The following CCDC138 variants were observed in gnomAD, a reference collection of about 807,000 sequenced individuals.
The protein encoded by CCDC138 is coiled-coil domain-containing protein 138.
CCDC138 carries 66 observed loss-of-function variants against 82.3 expected under a neutral mutation model. The ratio of observed to expected loss-of-function variants is 0.80; its 90% CI spans 0.66 to 0.98. The LOEUF (loss-of-function observed/expected upper bound fraction) is 0.98. CCDC138 is among the 50% of genes least tolerant of loss of function. The pLI is 0.00. For synonymous variants in CCDC138, 297 were observed against 265.4 expected (o/e 1.12, Z -1.16); for missense variants, 816 against 758.9 (o/e 1.08, Z -0.88).
intron 13 of CCDC138, among the ~76,000 whole-genome samples, chr2:108,872,938 A>T (rs1695505083): frequency 1.3e-5 from 2 of 152,152 alleles, no homozygotes; most frequent in Non-Finnish European, 2.9e-5. Flanking sequence ...TCTAAATTAA[A>T]TGTGAGAGTA....
intron 13 of CCDC138, among the ~76,000 whole-genome samples, chr2:108,865,078 C>G (rs1282258802): frequency 1.3e-5 from 2 of 152,074 alleles, no homozygotes; most frequent in East Asian, 3.8e-4. Flanking sequence ...GACACACACA[C>G]AAATACATAC....
intron 9 of CCDC138, among the ~76,000 whole-genome samples, chr2:108,815,006 T>TA (rs893883478): frequency 8.5e-5 from 13 of 152,156 alleles, no homozygotes; most frequent in Non-Finnish European, 1.2e-4. Context: ...GGTATCTTAT[T>TA]AAAAAAAATT....
At chr2:108,866,751 C>T (rs937800359) in intron 13 of CCDC138, among the ~76,000 whole-genome samples, 5 of 151,934 alleles carry the variant, frequency 3.3e-5, no homozygotes, top group African/African-American at 7.3e-5. Flanking sequence ...GACGCGGTGA[C>T]GGGTGCCTAT....
At chr2:108,878,324 CT>C (rs2105339729), downstream of CCDC138, 1 of 190,370 alleles carries the variant, frequency 5.3e-6, no homozygotes, top group East Asian at 1.3e-4. Context: ...TCTCACAAGT[CT>C]TTCAGGGTCA....
intron 10 of CCDC138, among the ~76,000 whole-genome samples, chr2:108,828,169 T>C (rs996015255): frequency 1.3e-5 from 2 of 152,102 alleles, no homozygotes; most frequent in Non-Finnish European, 2.9e-5. Context: ...CAAAATATAT[T>C]GTAGATAAAT....
rs147076589 is a variant in CCDC138, at chr2:108,798,480, G to C, written c.629G>C (p.Arg210Pro). 1.2e-5 allele frequency: 19 copies of C among 1,613,704 alleles called. No homozygotes were observed. The East Asian group carries it at 4.2e-4, about 36-fold the overall frequency. Reference protein sequence around the residue: ...KFAEELQKRERFLLEREQLLF... With the variant: ...KFAEELQKREPFLLEREQLLF... ...GCTGAAGAACTTCAAAAGCGAGAAC[G>C]TTTTTTACTTGAAAGAGAACAACTG... Residue 210 changes from arginine to proline, a missense_variant, in exon 6 of 15, where the codon CGT (arginine) becomes CCT (proline). By Grantham distance (103) the Arg-to-Pro change is moderately radical. Coordinates refer to ENST00000295124, the MANE Select transcript of CCDC138 (RefSeq NM_144978.3).
chr2:108,843,863 TG>T lies in CCDC138; in HGVS notation c.1324-2874del, dbSNP rs1558716873. Among the ~76,000 whole-genome samples the T allele has an allele frequency of 7.8e-5, 11 of 140,610 alleles. 1 individual carries two copies. The highest frequency in any genetic ancestry group is 1.1e-4 in the African/African-American group (4 of 36,570). The allele number at this position is 140,610 out of a possible 152,430, so 92.2% of individuals were successfully genotyped here. Reference sequence around the variant, plus strand: ...CATGTTTTGTGTGTGTGTGTGTGTGTGTGTGTGTGTGTGTGTTTCTTTCTTT... The same window carrying T: ...CATGTTTTGTGTGTGTGTGTGTGTGTTGTGTGTGTGTGTGTTTCTTTCTTT... On this transcript the variant is annotated intron_variant, in intron 11 of 14. Transcript: ENST00000295124.
In CCDC138 at chr2:108,876,143, C is replaced by A; in HGVS notation, c.1888C>A (p.Gln630Lys). Residue 630 changes from glutamine (Q) to lysine (K), a missense_variant, in exon 15 of 15, where the codon CAA becomes AAA. Transcript: ENST00000295124. ...FTIHLMLQEI[Q>K]RTTNPEHAFL... is the part of the protein sequence containing the mutation. ...GATTCATCTGATGCTTCAAGAAATACAAAGGACAACAAACCCAGAGCATGC... is the reference window on the plus strand; with the variant it reads ...GATTCATCTGATGCTTCAAGAAATAAAAAGGACAACAAACCCAGAGCATGC... 1.2e-6 allele frequency: 2 copies of A among 1,609,536 alleles called. No individual in the cohort carries two copies. Among genetic ancestry groups the A allele is most frequent in the Non-Finnish European group, 1.7e-6 (2 of 1,176,100 alleles).
intron 13 of CCDC138, among the ~76,000 whole-genome samples, chr2:108,871,520 C>A (rs895745426): frequency 6.6e-6 from 1 of 152,040 alleles, no homozygotes; most frequent in African/African-American, 2.4e-5. Flanking sequence ...CCACTGCACT[C>A]CAGCCTGGGC....
intron 5 of CCDC138, among the ~76,000 whole-genome samples, chr2:108,796,613 C>T (rs1376238761): frequency 6.6e-6 from 1 of 152,084 alleles, no homozygotes; most frequent in Non-Finnish European, 1.5e-5. Context: ...AATGTGGTAT[C>T]TATACACAAT....
At chr2:108,851,291 G>GT (rs1691446995) in intron 12 of CCDC138, among the ~76,000 whole-genome samples, 1 of 151,956 alleles carries the variant, frequency 6.6e-6, no homozygotes, top group Non-Finnish European at 1.5e-5. Flanking sequence ...GGGGTGTTTT[G>GT]TTTTTTGTTG....
intron 7 of CCDC138, among the ~76,000 whole-genome samples, chr2:108,809,677 T>A (rs1229259964): frequency 6.6e-6 from 1 of 152,178 alleles, no homozygotes; most frequent in Non-Finnish European, 1.5e-5. Context: ...GTATGTTGAT[T>A]TTGTGTCCTT....
chr2:108,865,900 A>G (rs1694335034), intron 13 of CCDC138, among the ~76,000 whole-genome samples: 1 of 152,186 alleles, frequency 6.6e-6, no homozygotes, highest in South Asian at 2.1e-4. Context: ...GCTCCAAGAC[A>G]GGGTAGACAT....
intron 3 of CCDC138, among the ~76,000 whole-genome samples, chr2:108,789,692 T>G (rs1459866690): frequency 6.6e-6 from 1 of 152,186 alleles, no homozygotes; most frequent in Non-Finnish European, 1.5e-5. Context: ...TGCATTGTAT[T>G]TAGGTGATTG....
At chr2:108,833,261 T>C (rs1688000066) in intron 10 of CCDC138, among the ~76,000 whole-genome samples, 3 of 152,212 alleles carry the variant, frequency 2.0e-5, no homozygotes, top group Admixed American at 2.0e-4. Context: ...TTAATCATAG[T>C]ATGTCAGTGT....
chr2:108,872,689 C>G (rs1266437662), intron 13 of CCDC138, among the ~76,000 whole-genome samples: 1 of 152,136 alleles, frequency 6.6e-6, no homozygotes, highest in African/African-American at 2.4e-5. Context: ...GGGGGCTGCA[C>G]TCACACATGG....
At chr2:108,828,649 A>T (rs772030445) in intron 10 of CCDC138, among the ~76,000 whole-genome samples, 1 of 152,214 alleles carries the variant, frequency 6.6e-6, no homozygotes, top group Non-Finnish European at 1.5e-5. Flanking sequence ...CCCTCATGCA[A>T]CAAAATGAGT....
intron 10 of CCDC138, among the ~76,000 whole-genome samples, chr2:108,830,833 A>G (rs1323148796): frequency 6.6e-6 from 1 of 151,442 alleles, no homozygotes; most frequent in East Asian, 2.0e-4. Context: ...AAAAAAAACC[A>G]AAGCTTGGGA....
chr2:108,807,995 A>G (rs1683153447), intron 7 of CCDC138, among the ~76,000 whole-genome samples: 1 of 152,114 alleles, frequency 6.6e-6, no homozygotes, highest in Non-Finnish European at 1.5e-5. Context: ...CTAGTAACCA[A>G]TATTATATTC....
Sources: gnomAD v4.1 joint callset for allele counts (sites outside exome capture counted in the v4.1 genomes callset) on GRCh38, gnomAD v4.1.1 for gene constraint, MANE v1.5 for transcripts, NCBI Gene and HGNC (gene_info 2026-07-23, HGNC 2026-07-21) for gene names.